MYRIP: variants seen among roughly 807,000 people sequenced by gnomAD.
MYRIP encodes rab effector MyRIP.
Under a neutral mutation model 98.0 loss-of-function variants are expected in MYRIP, and 49 were observed. That is an observed-to-expected ratio of 0.50 (90% CI 0.40 to 0.63). MYRIP has a LOEUF of 0.63. Among genes scored for constraint, MYRIP ranks in the 30% least tolerant of loss-of-function variants. The probability of loss-of-function intolerance (pLI) is 0.00; values close to 1 mark genes in which losing one functional copy is unlikely to be tolerated. For missense variants in MYRIP, 1,004 were observed against 1,058.2 expected (o/e 0.95, Z 0.71); for synonymous variants, 404 against 409.5 (o/e 0.99, Z 0.16).
chr3:39,822,999 C>G (rs1941150646), intron 1 of MYRIP, among the ~76,000 whole-genome samples: 2 of 146,832 alleles, frequency 1.4e-5, no homozygotes, highest in African/African-American at 5.0e-5. Flanking sequence ...GTGCAGATGG[C>G]TTTGCTTTTC....
intron 1 of MYRIP, among the ~76,000 whole-genome samples, chr3:39,900,092 A>AT (rs1334075821): frequency 6.6e-6 from 1 of 152,202 alleles, no homozygotes; most frequent in Non-Finnish European, 1.5e-5. Context: ...AAGTGCCGGG[A>AT]TTACAGGCTT....
At chr3:40,159,639 A>T (rs1369638707) in intron 4 of MYRIP, among the ~76,000 whole-genome samples, 1 of 152,050 alleles carries the variant, frequency 6.6e-6, no homozygotes, top group African/African-American at 2.4e-5. Context: ...CACCAATCAG[A>T]CGTAGATTTG....
At chr3:40,124,307 T>C (rs1949473732) in intron 3 of MYRIP, among the ~76,000 whole-genome samples, 1 of 152,230 alleles carries the variant, frequency 6.6e-6, no homozygotes, top group African/African-American at 2.4e-5. Flanking sequence ...CAGACTCACT[T>C]GGGCCGGGAT....
At chr3:40,089,029 C>T (rs1298332248) in intron 3 of MYRIP, among the ~76,000 whole-genome samples, 6 of 151,970 alleles carry the variant, frequency 3.9e-5, no homozygotes, top group African/African-American at 1.5e-4. Context: ...GTGATTGCAG[C>T]TTGGGCACCT....
chr3:40,069,205 C>G (rs1948176940), intron 3 of MYRIP, among the ~76,000 whole-genome samples: 2 of 152,104 alleles, frequency 1.3e-5, no homozygotes, highest in South Asian at 2.1e-4. Context: ...GATGCACCTG[C>G]ACATCTCTTC....
At chr3:40,250,640 T>A in intron 15 of MYRIP, 141 bp downstream of exon 15, 1 of 1,008,172 alleles carries the variant, frequency 9.9e-7, no homozygotes, top group Non-Finnish European at 1.5e-6. Context: ...TTGATTTGGG[T>A]CCCCCCAGAA....
At chr3:40,207,464 AT>A (rs1490046620) in intron 10 of MYRIP, among the ~76,000 whole-genome samples, 1 of 152,174 alleles carries the variant, frequency 6.6e-6, no homozygotes, top group South Asian at 2.1e-4. Flanking sequence ...AGAAAAAAAA[AT>A]AGTCACTTCC....
chr3:39,866,970 A>T (rs913859012), intron 1 of MYRIP, among the ~76,000 whole-genome samples: 3 of 152,200 alleles, frequency 2.0e-5, no homozygotes, highest in Non-Finnish European at 4.4e-5. Flanking sequence ...GTACTGACAT[A>T]AAAACCAGTT....
rs569345303 is a variant in MYRIP at position 40,136,698 on chromosome 3, T to C, written c.333-14350T>C. Among the ~76,000 whole-genome samples, 257 of 152,266 alleles carry C rather than the reference T, an allele frequency of 1.7e-3. 1 individual carries two copies. Among genetic ancestry groups the C allele is most frequent in the South Asian group, 0.01 (50 of 4,814 alleles). On this transcript the variant is annotated intron_variant, in intron 3 of 16. Coordinates refer to ENST00000302541, the MANE Select transcript of MYRIP (RefSeq NM_015460.4). ...TAACAAACTGTCTCTCAGACCACAGTGCAATCAAACTAGAACTCAGGATTA... is the reference window on the plus strand; with the variant it reads ...TAACAAACTGTCTCTCAGACCACAGCGCAATCAAACTAGAACTCAGGATTA...
intron 2 of MYRIP, among the ~76,000 whole-genome samples, chr3:39,918,911 A>G (rs1219456399): frequency 6.6e-6 from 1 of 152,188 alleles, no homozygotes; most frequent in African/African-American, 2.4e-5. Context: ...TGTTTCTTTC[A>G]GACTTTTAAA....
At chr3:39,887,447 A>G (rs1233950366) in intron 1 of MYRIP, among the ~76,000 whole-genome samples, 8 of 152,114 alleles carry the variant, frequency 5.3e-5, no homozygotes, top group South Asian at 2.1e-4. Flanking sequence ...TGCTAGCAAG[A>G]CTAATAAAGG....
At chr3:39,932,659 C>G (rs960403311) in intron 2 of MYRIP, among the ~76,000 whole-genome samples, 12 of 152,126 alleles carry the variant, frequency 7.9e-5, no homozygotes, top group Non-Finnish European at 1.5e-4. Flanking sequence ...CAAGATGAGT[C>G]TTATCTCTCC....
intron 1 of MYRIP, among the ~76,000 whole-genome samples, chr3:39,828,383 C>T (rs1941336611): frequency 6.6e-6 from 1 of 151,848 alleles, no homozygotes; most frequent in Non-Finnish European, 1.5e-5. Context: ...GTTGTTGAGG[C>T]TCCCTATTTA....
intron 2 of MYRIP, among the ~76,000 whole-genome samples, chr3:40,032,584 T>C (rs1947285406): frequency 6.6e-6 from 1 of 152,070 alleles, no homozygotes; most frequent in South Asian, 2.1e-4. Flanking sequence ...AATCAATAGC[T>C]TACCAACCAA....
intron 3 of MYRIP, among the ~76,000 whole-genome samples, chr3:40,122,841 A>G (rs1000394334): frequency 2.0e-5 from 3 of 152,134 alleles, no homozygotes; most frequent in African/African-American, 7.2e-5. Flanking sequence ...TATTTTGTGT[A>G]GTCCTTAAAA....
At chr3:40,058,389 C>T (rs1446123430) in intron 3 of MYRIP, among the ~76,000 whole-genome samples, 2 of 152,132 alleles carry the variant, frequency 1.3e-5, no homozygotes, top group Admixed American at 6.5e-5. Flanking sequence ...AGCTTCAAGA[C>T]AAACATCAAT....
At chr3:39,820,596 A>G (rs1941074668) in intron 1 of MYRIP, among the ~76,000 whole-genome samples, 1 of 152,220 alleles carries the variant, frequency 6.6e-6, no homozygotes, top group African/African-American at 2.4e-5. Context: ...AAAGCAATTT[A>G]TTAATCATTA....
chr3:39,900,660 G>A (rs1943718846), intron 1 of MYRIP, 127 bp from the exon 2 acceptor site: 1 of 496,304 alleles, frequency 2.0e-6, no homozygotes. Context: ...TCTGAGTCAA[G>A]AGAAAGATAC....
chr3:40,111,449 C>G (rs542179395), intron 3 of MYRIP, among the ~76,000 whole-genome samples: 1 of 152,212 alleles, frequency 6.6e-6, no homozygotes, highest in Non-Finnish European at 1.5e-5. Flanking sequence ...CAGACTAAAC[C>G]TTTACAATCT....
Sources: allele counts gnomAD v4.1 joint callset (sites outside exome capture counted in the v4.1 genomes callset), GRCh38; gene constraint gnomAD v4.1.1; transcripts MANE v1.5; gene names NCBI Gene and HGNC (gene_info 2026-07-23, HGNC 2026-07-21).